Variants in RIMS2 observed in about 807,000 individuals in gnomAD.
The protein encoded by RIMS2 is regulating synaptic membrane exocytosis 2.
A neutral mutation model predicts 174.4 loss-of-function variants in RIMS2; 59 were observed. The observed-to-expected ratio is 0.34, with a 90% CI of 0.27 to 0.42. The LOEUF (loss-of-function observed/expected upper bound fraction) is 0.42, where lower values mean the gene tolerates loss of function less well. RIMS2 is among the 10% of genes least tolerant of loss of function. The pLI, the probability that RIMS2 is intolerant of heterozygous loss-of-function variation, is 1.00. For missense variants in RIMS2, 1,620 were observed against 1,666.3 expected (o/e 0.97, Z 0.48); for synonymous variants, 606 against 572.5 (o/e 1.06, Z -0.84).
intron 2 of RIMS2, among the ~76,000 whole-genome samples, chr8:103,741,917 T>C (rs1212706085): frequency 1.3e-5 from 2 of 152,092 alleles, no homozygotes; most frequent in East Asian, 1.9e-4. Context: ...TAAATAAGTA[T>C]GTTAATACAG....
chr8:104,015,830 G>A (rs926371965), intron 19 of RIMS2, among the ~76,000 whole-genome samples: 3 of 151,962 alleles, frequency 2.0e-5, no homozygotes, highest in Admixed American at 2.0e-4. Flanking sequence ...ACATAGTGTA[G>A]TTATATTTAC....
chr8:103,773,690 A>G (rs2098278424), intron 3 of RIMS2, among the ~76,000 whole-genome samples: 1 of 152,168 alleles, frequency 6.6e-6, no homozygotes, highest in African/African-American at 2.4e-5. Context: ...AGATGGCGCC[A>G]TTGCACTCCA....
intron 4 of RIMS2, among the ~76,000 whole-genome samples, chr8:103,893,971 G>A (rs950235004): frequency 2.0e-5 from 3 of 152,008 alleles, no homozygotes; most frequent in African/African-American, 4.8e-5. Context: ...TAAGGAAAGC[G>A]GACTTTGAAT....
chr8:103,921,045 C>CAACAAA (rs779391986), intron 9 of RIMS2: 6 of 207,036 alleles, frequency 2.9e-5, no homozygotes, highest in Admixed American at 2.2e-4. Context: ...ACAACAACAA[C>CAACAAA]AAAAACAGGT....
intron 16 of RIMS2, among the ~76,000 whole-genome samples, chr8:103,979,627 C>T (rs570756050): frequency 6.6e-6 from 1 of 152,332 alleles, no homozygotes; most frequent in African/African-American, 2.4e-5. Context: ...ACCCAAAAAT[C>T]AGGTGAGCAA....
intron 19 of RIMS2, among the ~76,000 whole-genome samples, chr8:104,169,961 T>G (rs2098822708): frequency 6.6e-6 from 1 of 152,058 alleles, no homozygotes. Flanking sequence ...TTTCCATGTA[T>G]TTGTATAGTT....
rs557706071 is a variant in RIMS2 at position 104,013,435 on chromosome 8, G to A, written c.3045-7G>A. On this transcript the variant is annotated splice_polypyrimidine_tract_variant and splice_region_variant and intron_variant, in intron 17 of 23. Coordinates refer to ENST00000504942, the Ensembl canonical transcript of RIMS2. Reference sequence around the variant, plus strand: ...TCAACTGAGCTGCTTTTTGACTAACGTTTCAGGGATTGTGAAGCAGCAGAT... The same window carrying A: ...TCAACTGAGCTGCTTTTTGACTAACATTTCAGGGATTGTGAAGCAGCAGAT... 1.5e-5 allele frequency: 24 copies of A among 1,612,858 alleles called. No individual in the cohort carries two copies. The highest frequency in any genetic ancestry group is 6.7e-5 in the Admixed American group (4 of 59,884).
At chr8:104,060,056 C>G (rs1362710317) in intron 19 of RIMS2, among the ~76,000 whole-genome samples, 1 of 151,794 alleles carries the variant, frequency 6.6e-6, no homozygotes, top group Non-Finnish European at 1.5e-5. Flanking sequence ...CTCTGCCCGG[C>G]TTTGGTATCA....
Position 103,504,828 on chromosome 8 carries a change from CT to C in RIMS2, c.176+3770del, listed in dbSNP as rs1822527702. On this transcript the variant is annotated intron_variant, in intron 1 of 23. Transcript: ENST00000504942. The stretch of plus-strand genomic sequence containing the variant: ...TGAAATAAAATCTTTTTTTTTCTTT[CT>C]TTTCTTTTCTTTCTTTCTTTTTTTT... Among the ~76,000 whole-genome samples the C allele has an allele frequency of 1.3e-4, 16 of 124,440 alleles. No homozygotes were observed. The South Asian group carries it at 4.3e-3, about 34-fold the overall frequency. 81.6% of individuals were successfully genotyped at this position (124,440 alleles called of 152,430 possible). A position where few individuals can be genotyped will look rare whatever the true frequency, so the allele number is the denominator to read the frequency against.
At chr8:104,070,196 G>A (rs1252810306) in intron 19 of RIMS2, among the ~76,000 whole-genome samples, 2 of 152,134 alleles carry the variant, frequency 1.3e-5, no homozygotes, top group East Asian at 3.8e-4. Flanking sequence ...CATAGAGAAG[G>A]CAGAGATTCT....
intron 1 of RIMS2, among the ~76,000 whole-genome samples, chr8:103,601,944 C>G (rs971663502): frequency 1.3e-5 from 2 of 151,758 alleles, no homozygotes; most frequent in African/African-American, 4.8e-5. Flanking sequence ...AAATTCTAGC[C>G]TTTAACTTCA....
At chr8:104,251,876 A>AAG, downstream of RIMS2, 1 of 1,088,416 alleles carries the variant, frequency 9.2e-7, no homozygotes, top group East Asian at 2.4e-5. Flanking sequence ...AAAAAAAAAA[A>AAG]TCACAGGTTG....
intron 1 of RIMS2, among the ~76,000 whole-genome samples, chr8:103,529,806 A>G (rs1371335307): frequency 1.3e-5 from 2 of 152,182 alleles, no homozygotes; most frequent in Non-Finnish European, 2.9e-5. Context: ...ACAATATCCA[A>G]TGTAGATTCT....
At chr8:103,526,974 A>C (rs1297606636) in intron 1 of RIMS2, among the ~76,000 whole-genome samples, 1 of 152,218 alleles carries the variant, frequency 6.6e-6, no homozygotes, top group East Asian at 1.9e-4. Context: ...AATAATGGCC[A>C]AAACCCCAAA....
chr8:104,114,040 T>C (rs879882739), intron 19 of RIMS2, among the ~76,000 whole-genome samples: 13 of 152,048 alleles, frequency 8.5e-5, no homozygotes, highest in Non-Finnish European at 1.6e-4. Flanking sequence ...AATGAATACA[T>C]TTAGATAATT....
intron 19 of RIMS2, among the ~76,000 whole-genome samples, chr8:104,063,166 C>G (rs1403289490): frequency 6.6e-6 from 1 of 151,900 alleles, no homozygotes; most frequent in Non-Finnish European, 1.5e-5. Flanking sequence ...TACACCAATA[C>G]CTTTAATTCT....
At position 104,014,549 on chromosome 8, in the gene RIMS2, A is replaced by G. The variant is rs199718726; in HGVS notation, c.3268A>G (p.Thr1090Ala). ...GTCTGTCCAGACAAGCCCATCAAGT[A>G]CTCCAGTCGCAGGACGAAGGGGCCG... is the stretch of plus-strand genomic sequence containing the variant. The change falls in exon 19 of 24, where the codon ACT (threonine) becomes GCT (alanine). Residue 1090 changes from threonine (T) to alanine (A), a missense_variant. Coordinates refer to ENST00000504942, the Ensembl canonical transcript of RIMS2. 4 of 1,613,046 alleles carry G rather than the reference A, an allele frequency of 2.5e-6. No individual in the cohort carries two copies. In the African/African-American group the frequency reaches 4.0e-5, roughly 16 times the overall value.
At chr8:103,923,210 C>T (rs921504242) in intron 10 of RIMS2, among the ~76,000 whole-genome samples, 10 of 151,530 alleles carry the variant, frequency 6.6e-5, no homozygotes, top group South Asian at 6.2e-4. Context: ...TTCAATAGTT[C>T]GTCCTTAAAT....
chr8:104,107,507 G>C (rs910361356), intron 19 of RIMS2, among the ~76,000 whole-genome samples: 3 of 152,100 alleles, frequency 2.0e-5, no homozygotes, highest in Non-Finnish European at 4.4e-5. Context: ...ATAAAACTTT[G>C]TATATGAATA....
Sources: gnomAD v4.1 joint callset for allele counts (sites outside exome capture counted in the v4.1 genomes callset) on GRCh38, gnomAD v4.1.1 for gene constraint, MANE v1.5 for transcripts, NCBI Gene and HGNC (gene_info 2026-07-23, HGNC 2026-07-21) for gene names.